Variants in CPNE4 observed in about 807,000 individuals in gnomAD.
CPNE4 encodes the protein copine 4, also known as copine-4.
In CPNE4, 25 loss-of-function variants were observed where a neutral mutation model predicts 67.9. The ratio of observed to expected loss-of-function variants is 0.37; its 90% CI spans 0.27 to 0.51. The LOEUF (loss-of-function observed/expected upper bound fraction) is 0.51, where lower values mean the gene tolerates loss of function less well. Ranked by LOEUF, CPNE4 falls within the 20% of genes least tolerant of loss-of-function variation. The pLI is 0.93. For missense variants in CPNE4, 464 were observed against 690.8 expected, an observed-to-expected ratio of 0.67 and a Z score of 3.68; for synonymous variants, 242 against 244.9, an observed-to-expected ratio of 0.99 and a Z score of 0.11.
intron 6 of CPNE4, among the ~76,000 whole-genome samples, chr3:131,680,478 C>T (rs1008416927): frequency 6.6e-6 from 1 of 151,776 alleles, no homozygotes; most frequent in African/African-American, 2.4e-5. Context: ...TAACTTTGTC[C>T]CCCAGCTTTT....
chr3:131,963,664 G>A (rs998029050), intron 1 of CPNE4, among the ~76,000 whole-genome samples: 11 of 152,332 alleles, frequency 7.2e-5, no homozygotes, highest in Non-Finnish European at 1.3e-4. Flanking sequence ...CGAAGCGGCT[G>A]TGGCCAGGCT....
chr3:132,022,590 T>C (rs2074022549), intron 1 of CPNE4, among the ~76,000 whole-genome samples: 1 of 151,968 alleles, frequency 6.6e-6, no homozygotes, highest in Admixed American at 6.6e-5. Flanking sequence ...ATAATAATAA[T>C]AATCCATGCT....
At chr3:131,643,156 G>C (rs2079579260) in intron 7 of CPNE4, among the ~76,000 whole-genome samples, 1 of 152,338 alleles carries the variant, frequency 6.6e-6, no homozygotes, top group South Asian at 2.1e-4. Flanking sequence ...AACTTGTTGG[G>C]AACTGGAATA....
At chr3:131,615,028 G>C (rs1021475403) in intron 7 of CPNE4, among the ~76,000 whole-genome samples, 2 of 152,088 alleles carry the variant, frequency 1.3e-5, no homozygotes, top group Non-Finnish European at 2.9e-5. Context: ...CACCTGGGGG[G>C]CTTGTTAAAA....
At chr3:131,918,283 T>C (rs2070633346) in intron 1 of CPNE4, among the ~76,000 whole-genome samples, 1 of 152,174 alleles carries the variant, frequency 6.6e-6, no homozygotes, top group Non-Finnish European at 1.5e-5. Context: ...ATTTTACAGT[T>C]CAGTTTGAGT....
intron 2 of CPNE4, among the ~76,000 whole-genome samples, chr3:131,835,606 C>G (rs930894209): frequency 2.0e-5 from 3 of 152,108 alleles, no homozygotes; most frequent in East Asian, 1.9e-4. Flanking sequence ...AAGACAGAAG[C>G]CTTTTACCCT....
At chr3:131,629,585 C>T (rs1482652977) in intron 7 of CPNE4, among the ~76,000 whole-genome samples, 2 of 152,058 alleles carry the variant, frequency 1.3e-5, no homozygotes, top group Non-Finnish European at 2.9e-5. Flanking sequence ...GCTGGGATTA[C>T]AGGCATGCAC....
intron 5 of CPNE4, among the ~76,000 whole-genome samples, chr3:131,694,545 A>G (rs905211213): frequency 6.6e-6 from 1 of 152,274 alleles, no homozygotes; most frequent in East Asian, 1.9e-4. Context: ...CTTACTTGCA[A>G]CTAAAAGAAT....
intron 7 of CPNE4, among the ~76,000 whole-genome samples, chr3:131,616,681 C>T (rs188182799): frequency 0.011 from 1,680 of 152,286 alleles, 15 homozygotes; most frequent in Non-Finnish European, 0.018. Context: ...TTCTCTCCTC[C>T]TCTTGTTGAT....
chr3:131,975,842 T>A (rs2072635517), intron 1 of CPNE4, among the ~76,000 whole-genome samples: 1 of 152,130 alleles, frequency 6.6e-6, no homozygotes, highest in African/African-American at 2.4e-5. Context: ...TATCAGGTTA[T>A]GAGGAAATGA....
intron 1 of CPNE4, among the ~76,000 whole-genome samples, chr3:132,022,254 G>A (rs1267215200): frequency 1.3e-5 from 2 of 152,154 alleles, no homozygotes; most frequent in Non-Finnish European, 2.9e-5. Flanking sequence ...TTAGAGAAAA[G>A]GAGTTCTTAA....
At chr3:131,809,411 C>T (rs1393547445) in intron 2 of CPNE4, among the ~76,000 whole-genome samples, 1 of 152,150 alleles carries the variant, frequency 6.6e-6, no homozygotes, top group Non-Finnish European at 1.5e-5. Context: ...ATCTGTCAGA[C>T]TTAAAACACA....
rs1934996255 is a variant in CPNE4, at chr3:131,533,657, ATGT to A, written c.*1535_*1537del. 6.6e-6 allele frequency: 1 copy of A among 152,308 alleles called. No homozygotes were observed. Among genetic ancestry groups the A allele is most frequent in the South Asian group, 2.1e-4 (1 of 4,822 alleles). The allele number at this position is 152,308 out of a possible 1,614,324, so 9.4% of individuals were successfully genotyped here. ...ATACAATTTTACCATCATTCCCAAA[ATGT>A]TGTGCATTTGGTGACATGTATTTGC... On this transcript the variant is annotated 3_prime_UTR_variant, in exon 16 of 16. Transcript: ENST00000429747.
intron 2 of CPNE4, among the ~76,000 whole-genome samples, chr3:131,752,450 T>G (rs749459377): frequency 2.6e-5 from 4 of 152,144 alleles, no homozygotes. Context: ...GGTTGTTGGC[T>G]TCTTCAGCTC....
intron 1 of CPNE4, among the ~76,000 whole-genome samples, chr3:131,939,317 A>G (rs1036100189): frequency 3.3e-5 from 5 of 151,944 alleles, no homozygotes; most frequent in African/African-American, 9.7e-5. Flanking sequence ...GTTGCAATGA[A>G]GTGATCTCCA....
intron 1 of CPNE4, among the ~76,000 whole-genome samples, chr3:131,930,320 T>C (rs530344364): frequency 8.5e-5 from 13 of 152,200 alleles, no homozygotes; most frequent in Non-Finnish European, 1.3e-4. Flanking sequence ...AAGGGTCATA[T>C]AGAAGAGGCT....
chr3:131,822,225 A>G (rs551262804), intron 2 of CPNE4, among the ~76,000 whole-genome samples: 2 of 152,294 alleles, frequency 1.3e-5, no homozygotes, highest in Non-Finnish European at 2.9e-5. Context: ...CTACAACAAA[A>G]GCTATTTGGT....
intron 1 of CPNE4, among the ~76,000 whole-genome samples, chr3:131,949,797 T>A (rs563914076): frequency 6.6e-6 from 1 of 152,310 alleles, no homozygotes; most frequent in African/African-American, 2.4e-5. Context: ...TCCATAATGT[T>A]TAGTGCCTTT....
chr3:131,663,467 T>G (rs1427458150), intron 7 of CPNE4, among the ~76,000 whole-genome samples: 1 of 151,228 alleles, frequency 6.6e-6, no homozygotes, highest in African/African-American at 2.4e-5. Context: ...ATCCTAGAAC[T>G]TAAAGTAAAA....
Sources: gnomAD v4.1 joint callset for allele counts (sites outside exome capture counted in the v4.1 genomes callset) on GRCh38, gnomAD v4.1.1 for gene constraint, MANE v1.5 for transcripts, NCBI Gene and HGNC (gene_info 2026-07-23, HGNC 2026-07-21) for gene names.